Variants in MBD5 observed in about 807,000 individuals in gnomAD.
MBD5 encodes methyl-CpG binding domain protein 5, also known as methyl-CpG-binding domain protein 5.
Under a neutral mutation model 117.3 loss-of-function variants are expected in MBD5, and 13 were observed. The observed-to-expected ratio is 0.11, with a 90% confidence interval of 0.07 to 0.18. The LOEUF (loss-of-function observed/expected upper bound fraction) is 0.18. Ranked by LOEUF, MBD5 falls within the 10% of genes least tolerant of loss-of-function variation. The pLI is 1.00. For synonymous variants in MBD5, 727 were observed against 766.4 expected, an observed-to-expected ratio of 0.95 and a Z score of 0.85; for missense variants, 1,879 against 2,093.8, an observed-to-expected ratio of 0.90 and a Z score of 2.00.
intron 2 of MBD5, among the ~76,000 whole-genome samples, chr2:148,197,369 T>G (rs1014309689): frequency 1.3e-5 from 2 of 152,176 alleles, no homozygotes; most frequent in Non-Finnish European, 2.9e-5. Flanking sequence ...TCTGCCTAAA[T>G]TTTTAAACAA....
At chr2:148,453,353 G>A (rs1706784573) in intron 4 of MBD5, among the ~76,000 whole-genome samples, 1 of 152,032 alleles carries the variant, frequency 6.6e-6, no homozygotes, top group African/African-American at 2.4e-5. Flanking sequence ...ATTTTTAAAG[G>A]AATCAGGAAA....
chr2:148,413,125 A>G (rs1378857162), intron 4 of MBD5, among the ~76,000 whole-genome samples: 1 of 151,944 alleles, frequency 6.6e-6, no homozygotes. Context: ...ATTTTGAGGT[A>G]TGGTATGTCC....
intron 3 of MBD5, among the ~76,000 whole-genome samples, chr2:148,285,603 C>G (rs1443984087): frequency 6.6e-6 from 1 of 152,196 alleles, no homozygotes; most frequent in African/African-American, 2.4e-5. Flanking sequence ...CTCACATAAT[C>G]TTTCAAAATT....
intron 1 of MBD5, among the ~76,000 whole-genome samples, chr2:148,162,574 A>G (rs936310721): frequency 6.6e-6 from 1 of 152,192 alleles, no homozygotes; most frequent in Non-Finnish European, 1.5e-5. Flanking sequence ...TTTTTGTGAC[A>G]CAAAATTGTT....
chr2:148,269,921 C>T (rs992784726), intron 3 of MBD5, among the ~76,000 whole-genome samples: 2 of 151,786 alleles, frequency 1.3e-5, no homozygotes, highest in Non-Finnish European at 2.9e-5. Flanking sequence ...AAGATTTTTT[C>T]TTAACTTAGA....
At chr2:148,093,086 A>C (rs1307302938) in intron 1 of MBD5, among the ~76,000 whole-genome samples, 2 of 151,878 alleles carry the variant, frequency 1.3e-5, no homozygotes, top group Non-Finnish European at 2.9e-5. Context: ...TGATTTTTGT[A>C]TTTTTAGTAG....
At chr2:148,443,607 G>A (rs1453929990) in intron 4 of MBD5, among the ~76,000 whole-genome samples, 2 of 151,300 alleles carry the variant, frequency 1.3e-5, no homozygotes, top group African/African-American at 4.9e-5. Context: ...GGAATTGGAG[G>A]TCATTATGTG....
chr2:148,482,986 A>T, intron 8 of MBD5, 124 bp from the exon 9 acceptor site: 1 of 1,027,454 alleles, frequency 9.7e-7, no homozygotes, highest in Non-Finnish European at 1.4e-6. Context: ...TAATCTAGTT[A>T]CAATCAATGA....
intron 4 of MBD5, among the ~76,000 whole-genome samples, chr2:148,375,848 C>T (rs1275522790): frequency 6.6e-6 from 1 of 151,946 alleles, no homozygotes; most frequent in Non-Finnish European, 1.5e-5. Context: ...AAATTATTTT[C>T]TCAGTAAATC....
At chr2:148,228,221 C>A (rs1354082093) in intron 2 of MBD5, among the ~76,000 whole-genome samples, 2 of 152,130 alleles carry the variant, frequency 1.3e-5, no homozygotes, top group Non-Finnish European at 2.9e-5. Context: ...AGTTTTTGTC[C>A]ATTCAGTATG....
chr2:148,126,456 A>G (rs968341720), intron 1 of MBD5, among the ~76,000 whole-genome samples: 2 of 151,994 alleles, frequency 1.3e-5, no homozygotes, highest in African/African-American at 4.8e-5. Flanking sequence ...AAAGTTACTA[A>G]AGATTTTGGA....
intron 7 of MBD5, among the ~76,000 whole-genome samples, chr2:148,467,087 C>G (rs1196568962): frequency 6.6e-6 from 1 of 152,134 alleles, no homozygotes; most frequent in African/African-American, 2.4e-5. Flanking sequence ...TTCTCATCTC[C>G]TATGCCTGTA....
intron 1 of MBD5, among the ~76,000 whole-genome samples, chr2:148,169,356 C>G (rs1445065012): frequency 6.6e-6 from 1 of 152,182 alleles, no homozygotes; most frequent in Admixed American, 6.5e-5. Flanking sequence ...AGCTCATTCA[C>G]TGAGTCCCAG....
At position 148,458,069 on chromosome 2, in the gene MBD5, T is replaced by A. The variant is rs149421955; in HGVS notation, c.-556-134T>A. ...GTTGGAAGAAGGAAACAACTTGAAT[T>A]TGACGTATGATTTTGATAGCAAAGG... On this transcript the variant is annotated intron_variant, in intron 4 of 13. Coordinates refer to ENST00000642680, the MANE Select transcript of MBD5 (RefSeq NM_001378120.1). 2,495 of 389,708 alleles carry A rather than the reference T, an allele frequency of 6.4e-3. 10 individuals are homozygous for A. Among genetic ancestry groups the A allele is most frequent in the Non-Finnish European group, 9.0e-3 (1,979 of 220,530 alleles). 24.1% of individuals were successfully genotyped at this position (389,708 alleles called of 1,614,324 possible).
At chr2:148,142,342 G>A (rs1269877280) in intron 1 of MBD5, among the ~76,000 whole-genome samples, 1 of 152,144 alleles carries the variant, frequency 6.6e-6, no homozygotes, top group Non-Finnish European at 1.5e-5. Context: ...AAGATTGTGA[G>A]GTGCTTCCTA....
chr2:148,074,158 A>T (rs182285547), intron 1 of MBD5, among the ~76,000 whole-genome samples: 312 of 152,204 alleles, frequency 2.0e-3, no homozygotes, highest in African/African-American at 7.1e-3. Context: ...TCCTTTCCCT[A>T]TCAATTTTGG....
At chr2:148,075,495 A>G (rs1246827978) in intron 1 of MBD5, among the ~76,000 whole-genome samples, 2 of 152,226 alleles carry the variant, frequency 1.3e-5, no homozygotes, top group African/African-American at 4.8e-5. Flanking sequence ...TTCTGTCTGT[A>G]TATCTAAAAG....
intron 3 of MBD5, chr2:148,264,883 A>G (rs1700819266): frequency 6.6e-6 from 1 of 152,180 alleles, no homozygotes; most frequent in South Asian, 2.1e-4. Flanking sequence ...CACAAAATTC[A>G]AAGTCCTGGG....
chr2:148,088,797 A>C (rs542166221), intron 1 of MBD5, among the ~76,000 whole-genome samples: 1 of 152,240 alleles, frequency 6.6e-6, no homozygotes, highest in South Asian at 2.1e-4. Flanking sequence ...AAATACCACA[A>C]TGAAAAAAAT....
Sources: gnomAD v4.1 joint callset for allele counts (sites outside exome capture counted in the v4.1 genomes callset) on GRCh38, gnomAD v4.1.1 for gene constraint, MANE v1.5 for transcripts, NCBI Gene and HGNC (gene_info 2026-07-23, HGNC 2026-07-21) for gene names.